The following PFKL variants were observed in gnomAD, a reference collection of about 807,000 sequenced individuals.
PFKL encodes ATP-dependent 6-phosphofructokinase, liver type.
A neutral mutation model predicts 92.1 loss-of-function variants in PFKL; 74 were observed. That is an observed-to-expected ratio of 0.80 (90% CI 0.67 to 0.97). The LOEUF (loss-of-function observed/expected upper bound fraction) is 0.97, where lower values mean the gene tolerates loss of function less well. Ranked by LOEUF, PFKL falls within the 50% of genes least tolerant of loss-of-function variation. The pLI is 0.00. For synonymous variants in PFKL, 494 were observed against 456.4 expected (o/e 1.08, Z -1.05); for missense variants, 1,028 against 1,116.6 (o/e 0.92, Z 1.13).
intron 2 of PFKL, among the ~76,000 whole-genome samples, chr21:44,306,973 G>T (rs1192344713): frequency 6.6e-6 from 1 of 152,186 alleles, no homozygotes; most frequent in Non-Finnish European, 1.5e-5. Flanking sequence ...CCGGCTGGAG[G>T]CTCAGAGGCT....
At chr21:44,322,759 G>C (rs979821045) in intron 14 of PFKL, among the ~76,000 whole-genome samples, 1 of 152,224 alleles carries the variant, frequency 6.6e-6, no homozygotes, top group Non-Finnish European at 1.5e-5. Context: ...CCGGTGCCTG[G>C]TGATGCTGAG....
At chr21:44,323,118 G>A (rs952514914) in intron 15 of PFKL, 69 bp downstream of exon 15, 1 of 1,311,032 alleles carries the variant, frequency 7.6e-7, no homozygotes, top group Non-Finnish European at 1.1e-6. Flanking sequence ...CGCCGAGGGG[G>A]CCCATCCTGA....
chr21:44,304,746 GTC>G (rs2040881918), intron 1 of PFKL, among the ~76,000 whole-genome samples: 1 of 83,142 alleles, frequency 1.2e-5, no homozygotes, highest in African/African-American at 6.6e-5. Flanking sequence ...GGGCTCGGCT[GTC>G]TGGGGGGCTC....
At position 44,312,071 on chromosome 21, in the gene PFKL, A is replaced by G. The variant is rs768427465; in HGVS notation, c.238-34A>G. 5 of 1,399,058 alleles carry G rather than the reference A, an allele frequency of 3.6e-6. No individual in the cohort carries two copies. The East Asian group carries it at 9.0e-5, about 25-fold the overall frequency. 86.7% of individuals were successfully genotyped at this position (1,399,058 alleles called of 1,614,324 possible). A position where few individuals can be genotyped will look rare whatever the true frequency, so the allele number is the denominator to read the frequency against. ...CCCCAGGGGCTGTCTGCCGCCTGCC[A>G]TCTCTCCTGAAGTTTCTGGTCTCCT... On this transcript the variant is annotated intron_variant, in intron 3 of 21. Transcript: ENST00000349048.
Position 44,325,998 on chromosome 21 carries a change from C to T in PFKL, c.2027C>T (p.Thr676Ile). The change falls in exon 20 of 22, where the codon ACC becomes ATC. Residue 676 changes from threonine (T) to isoleucine (I), a missense_variant. Thr to Ile is a moderately conservative substitution (Grantham distance 89). Coordinates refer to ENST00000349048, the MANE Select transcript of PFKL (RefSeq NM_002626.6). ...APTPFDRNYGTKLGVKAMLWL... is the reference protein window; with the variant it reads ...APTPFDRNYGIKLGVKAMLWL... Reference sequence around the variant, plus strand: ...ACCCCCTTTGACCGGAACTATGGGACCAAGCTGGGGGTGAAGGCCATGCTG... The same window carrying T: ...ACCCCCTTTGACCGGAACTATGGGATCAAGCTGGGGGTGAAGGCCATGCTG... The T allele has an allele frequency of 6.2e-7, 1 of 1,613,864 alleles. No homozygotes were observed. The highest frequency in any genetic ancestry group is 8.5e-7 in the Non-Finnish European group (1 of 1,179,954).
At chr21:44,319,809 C>T in intron 11 of PFKL, 2 of 514,570 alleles carry the variant, frequency 3.9e-6, no homozygotes, top group South Asian at 2.5e-5. Context: ...CCATGCGTGC[C>T]TCCACCCGCT....
At position 44,324,475 on chromosome 21, in the gene PFKL, C is replaced by CT; in HGVS notation, c.1651-16_1651-15insT. The CT allele has an allele frequency of 6.2e-7, 1 of 1,612,458 alleles. No individual in the cohort carries two copies. Among genetic ancestry groups the CT allele is most frequent in the Non-Finnish European group, 8.5e-7 (1 of 1,179,454 alleles). ...GTGGGCACGTGGAGGACCCCCGACC[C>CT]CCCCTTGTCCCCCAGAGCTGTGACC... On this transcript the variant is annotated splice_polypyrimidine_tract_variant and intron_variant, in intron 16 of 21. Coordinates refer to ENST00000349048, the MANE Select transcript of PFKL (RefSeq NM_002626.6).
In PFKL at chr21:44,312,727, G is replaced by A. The variant is rs143345133; in HGVS notation, c.428-251G>A. 4.1e-3 allele frequency among the ~76,000 whole-genome samples: 617 copies of A among 152,302 alleles called. 4 individuals are homozygous for A. Among genetic ancestry groups the A allele is most frequent in the Non-Finnish European group, 6.3e-3 (427 of 68,026 alleles). On this transcript the variant is annotated intron_variant, in intron 4 of 21. Coordinates refer to ENST00000349048, the MANE Select transcript of PFKL (RefSeq NM_002626.6). Reference sequence around the variant, plus strand: ...CATGTCTGTTCCATGTCCCTCATGTGGGGGACCCTGATGTGAGGCCTTGGC... The same window carrying A: ...CATGTCTGTTCCATGTCCCTCATGTAGGGGACCCTGATGTGAGGCCTTGGC...
chr21:44,326,615 C>G, intron 21 of PFKL, 100 bp from the exon 22 acceptor site: 3 of 1,334,050 alleles, frequency 2.2e-6, no homozygotes, highest in South Asian at 1.4e-5. Flanking sequence ...GGGGCATGCA[C>G]AGGCTGCAGG....
chr21:44,311,113 C>T (rs377015019), intron 3 of PFKL, 30 bp downstream of exon 3: 5 of 1,572,916 alleles, frequency 3.2e-6, no homozygotes, highest in Non-Finnish European at 4.4e-6. Flanking sequence ...ATGCATGTTG[C>T]ACTTGGACTC....
intron 1 of PFKL, among the ~76,000 whole-genome samples, chr21:44,303,512 C>T (rs560066412): frequency 6.6e-5 from 10 of 150,456 alleles, no homozygotes; most frequent in African/African-American, 2.4e-4. Context: ...ACTTTTAATT[C>T]TCTGGGCCCT....
chr21:44,301,287 T>A (rs2040767767), intron 1 of PFKL, among the ~76,000 whole-genome samples: 1 of 152,046 alleles, frequency 6.6e-6, no homozygotes, highest in Non-Finnish European at 1.5e-5. Flanking sequence ...GCCAGGCCTG[T>A]GGTGGCTGCC....
chr21:44,322,585 CTG>C (rs2047384648), intron 14 of PFKL, among the ~76,000 whole-genome samples: 2 of 152,208 alleles, frequency 1.3e-5, no homozygotes, highest in African/African-American at 4.8e-5. Context: ...CACAGTCCCC[CTG>C]TGTGACTACA....
At chr21:44,325,470 C>T (rs1419874055) in intron 19 of PFKL, 12 of 586,826 alleles carry the variant, frequency 2.0e-5, no homozygotes, top group African/African-American at 3.7e-5. Flanking sequence ...GGGCTGGAGC[C>T]GGGGCCCGAG....
chr21:44,318,637 T>C, intron 10 of PFKL, 42 bp downstream of exon 10: 4 of 1,407,346 alleles, frequency 2.8e-6, no homozygotes, highest in Non-Finnish European at 3.8e-6. Flanking sequence ...CTGGCCCCTC[T>C]CCCCAGTCCC....
chr21:44,313,823 C>A, intron 6 of PFKL, 90 bp from the exon 7 acceptor site: 1 of 1,328,944 alleles, frequency 7.5e-7, no homozygotes, highest in Non-Finnish European at 1.0e-6. Context: ...GACAGAGAAG[C>A]TGTGGCCCAG....
At chr21:44,313,752 T>A in intron 6 of PFKL, 70 bp downstream of exon 6, 1 of 1,491,824 alleles carries the variant, frequency 6.7e-7, no homozygotes, top group East Asian at 2.4e-5. Flanking sequence ...AGGTGTGGCA[T>A]ATTTATTCTA....
At chr21:44,300,476 T>A (rs2040739869) in intron 1 of PFKL, among the ~76,000 whole-genome samples, 1 of 152,086 alleles carries the variant, frequency 6.6e-6, no homozygotes, top group Admixed American at 6.5e-5. Context: ...GGGCAGGACC[T>A]CCCGAGGAGT....
Position 44,319,378 on chromosome 21 carries a change from G to A in PFKL, c.1090G>A (p.Asp364Asn), listed in dbSNP as rs527757712. The A allele has an allele frequency of 2.5e-6, 4 of 1,613,770 alleles. No homozygotes were observed. The highest frequency in any genetic ancestry group is 2.7e-5 in the African/African-American group (2 of 75,062). The change falls in exon 11 of 22, where the codon GAC (aspartate) becomes AAC (asparagine). Residue 364 changes from aspartate to asparagine, a missense_variant. Transcript: ENST00000349048. The part of the protein sequence containing the change: ...MTKEVQKAMD[D>N]KRFDEATQLR... ...CAAGGAAGTGCAGAAAGCCATGGAT[G>A]ACAAGAGGTTTGACGAGGCCACCCA...
Sources: gnomAD v4.1 joint callset for allele counts (sites outside exome capture counted in the v4.1 genomes callset) on GRCh38, gnomAD v4.1.1 for gene constraint, MANE v1.5 for transcripts, NCBI Gene and HGNC (gene_info 2026-07-23, HGNC 2026-07-21) for gene names.